The following THRB variants were observed in gnomAD, a reference collection of about 807,000 sequenced individuals.
The protein encoded by THRB is nuclear receptor subfamily 1 group A member 2.
Under a neutral mutation model 47.8 loss-of-function variants are expected in THRB, and 12 were observed. The observed-to-expected ratio is 0.25, with a 90% CI of 0.16 to 0.41. THRB has a LOEUF of 0.41. THRB is among the 10% of genes least tolerant of loss of function. The pLI is 1.00. For synonymous variants in THRB, 218 were observed against 212.2 expected (o/e 1.03, Z -0.24); for missense variants, 348 against 589.2 (o/e 0.59, Z 4.24).
intron 3 of THRB, among the ~76,000 whole-genome samples, chr3:24,254,595 G>A (rs2051052529): frequency 6.6e-6 from 1 of 152,154 alleles, no homozygotes; most frequent in Admixed American, 6.5e-5. Context: ...GTCAACACAA[G>A]TCTCCCAGCC....
rs1432764572 is a variant in THRB, at chr3:24,122,567, G to A, written c.*317C>T. The stretch of plus-strand genomic sequence containing the variant: ...TAGTGTCCTGTGGCGCCATTTTGCT[G>A]ACTCAAGTCTTGGACCAGGGACGGG... On this transcript the variant is annotated 3_prime_UTR_variant, in exon 11 of 11. Transcript: ENST00000646209. The A allele has an allele frequency of 4.9e-6, 2 of 411,524 alleles. No homozygotes were observed. Among genetic ancestry groups the A allele is most frequent in the African/African-American group, 4.1e-5 (2 of 49,162 alleles). 25.5% of individuals were successfully genotyped at this position (411,524 alleles called of 1,614,324 possible). A position where few individuals can be genotyped will look rare whatever the true frequency, so the allele number is the denominator to read the frequency against.
intron 4 of THRB, among the ~76,000 whole-genome samples, chr3:24,221,166 A>G (rs2047121635): frequency 6.6e-6 from 1 of 152,270 alleles, no homozygotes; most frequent in Admixed American, 6.5e-5. Flanking sequence ...TCAGATGGCA[A>G]TGGTGGCAGG....
intron 5 of THRB, among the ~76,000 whole-genome samples, chr3:24,155,436 G>A (rs2037670118): frequency 6.6e-6 from 1 of 152,056 alleles, no homozygotes; most frequent in Non-Finnish European, 1.5e-5. Flanking sequence ...ATCCAAAACA[G>A]TCACCACAGG....
At chr3:24,260,462 C>G (rs1455794257) in intron 3 of THRB, among the ~76,000 whole-genome samples, 1 of 152,200 alleles carries the variant, frequency 6.6e-6, no homozygotes, top group Non-Finnish European at 1.5e-5. Flanking sequence ...TGCTGGAAAG[C>G]AATGTTTGCC....
chr3:24,168,339 G>A lies in THRB; in HGVS notation c.284-15849C>T, dbSNP rs551585310. ...ATATTATGTGTCACAAATGGGGTAA[G>A]CTTCAGTGAGGTTGTTGTCTTATTT... On this transcript the variant is annotated intron_variant, in intron 5 of 10. Coordinates refer to ENST00000646209, the MANE Select transcript of THRB (RefSeq NM_001354712.2). Among the ~76,000 whole-genome samples the A allele has an allele frequency of 4.6e-5, 7 of 152,128 alleles. No individual in the cohort carries two copies. In the South Asian group the frequency reaches 1.2e-3, roughly 27 times the overall value.
intron 3 of THRB, among the ~76,000 whole-genome samples, chr3:24,258,257 CCT>C (rs1471848288): frequency 6.6e-6 from 1 of 152,030 alleles, no homozygotes; most frequent in Non-Finnish European, 1.5e-5. Context: ...GGTGGGAGGC[CCT>C]GTCCGTCTGA....
At chr3:24,398,624 T>C (rs1466009026) in intron 1 of THRB, among the ~76,000 whole-genome samples, 1 of 152,180 alleles carries the variant, frequency 6.6e-6, no homozygotes, top group Non-Finnish European at 1.5e-5. Flanking sequence ...TTTTACACTG[T>C]TGGTGGGACT....
intron 1 of THRB, among the ~76,000 whole-genome samples, chr3:24,383,885 C>T (rs12495379): frequency 0.51 from 76,834 of 151,918 alleles, 19,865 homozygotes; most frequent in African/African-American, 0.61. Flanking sequence ...AAGCTCTAAC[C>T]TAATTTGCCT....
chr3:24,414,409 T>C (rs189320588), intron 1 of THRB, among the ~76,000 whole-genome samples: 9 of 151,896 alleles, frequency 5.9e-5, no homozygotes, highest in Non-Finnish European at 8.8e-5. Flanking sequence ...GCATGTTAAA[T>C]AAACAGAACA....
chr3:24,278,192 A>C (rs1228074867), intron 3 of THRB, among the ~76,000 whole-genome samples: 1 of 152,198 alleles, frequency 6.6e-6, no homozygotes, highest in Non-Finnish European at 1.5e-5. Context: ...TCACTCTCTC[A>C]CTAATTATTA....
At chr3:24,203,581 G>C (rs7613257) in intron 4 of THRB, among the ~76,000 whole-genome samples, 1 of 152,136 alleles carries the variant, frequency 6.6e-6, no homozygotes, top group Non-Finnish European at 1.5e-5. Context: ...CAGCATGAGC[G>C]ACGCAGAAGA....
chr3:24,170,836 C>T (rs2040334441), intron 5 of THRB, among the ~76,000 whole-genome samples: 2 of 151,832 alleles, frequency 1.3e-5, no homozygotes, highest in South Asian at 4.2e-4. Flanking sequence ...GGAGGACTCT[C>T]TGCACCAAAA....
chr3:24,435,411 A>C (rs994877080), intron 1 of THRB, among the ~76,000 whole-genome samples: 2 of 152,150 alleles, frequency 1.3e-5, no homozygotes, highest in Non-Finnish European at 2.9e-5. Flanking sequence ...ATGGACATGG[A>C]GGTGCAGATC....
chr3:24,453,550 G>A (rs1264808598), intron 1 of THRB, among the ~76,000 whole-genome samples: 1 of 152,188 alleles, frequency 6.6e-6, no homozygotes, highest in Non-Finnish European at 1.5e-5. Flanking sequence ...GGTCTCCCAA[G>A]TGGTCGTCTT....
chr3:24,351,607 T>G (rs1054536553), intron 1 of THRB, among the ~76,000 whole-genome samples: 16 of 152,152 alleles, frequency 1.1e-4, no homozygotes, highest in Admixed American at 1.0e-3. Context: ...CTTCTTATAG[T>G]GTATGCATCT....
chr3:24,262,300 G>C (rs909086828), intron 3 of THRB, among the ~76,000 whole-genome samples: 2 of 152,070 alleles, frequency 1.3e-5, no homozygotes, highest in Non-Finnish European at 2.9e-5. Context: ...TGGTCTTTCT[G>C]CTTTCATCTT....
At chr3:24,210,582 A>C (rs2045919725) in intron 4 of THRB, among the ~76,000 whole-genome samples, 1 of 152,158 alleles carries the variant, frequency 6.6e-6, no homozygotes, top group Non-Finnish European at 1.5e-5. Context: ...ATCTGTCCCC[A>C]AATGTCAACA....
chr3:24,249,492 A>T (rs180686803), intron 3 of THRB, among the ~76,000 whole-genome samples: 2 of 152,164 alleles, frequency 1.3e-5, no homozygotes, highest in South Asian at 4.1e-4. Flanking sequence ...CATCACAAGA[A>T]AACTTGTTCC....
intron 1 of THRB, among the ~76,000 whole-genome samples, chr3:24,437,266 A>T (rs920507131): frequency 1.3e-5 from 2 of 151,912 alleles, no homozygotes; most frequent in African/African-American, 4.8e-5. Context: ...CATTGCGTTA[A>T]GTGAAATAAC....
Sources: allele counts gnomAD v4.1 joint callset (sites outside exome capture counted in the v4.1 genomes callset), GRCh38; gene constraint gnomAD v4.1.1; transcripts MANE v1.5; gene names NCBI Gene and HGNC (gene_info 2026-07-23, HGNC 2026-07-21).